The following RBFOX1 variants were observed in gnomAD, a reference collection of about 807,000 sequenced individuals.
RBFOX1 encodes RNA binding fox-1 homolog 1, also known as RNA binding protein fox-1 homolog 1.
In RBFOX1, 8 loss-of-function variants were observed where a neutral mutation model predicts 57.7. The ratio of observed to expected loss-of-function variants is 0.14; its 90% CI spans 0.08 to 0.25. RBFOX1 has a LOEUF of 0.25. RBFOX1 is among the 10% of genes least tolerant of loss of function. RBFOX1 has a pLI of 1.00. For missense variants in RBFOX1, 611 were observed against 548.5 expected, an observed-to-expected ratio of 1.11 and a Z score of -1.14; for synonymous variants, 326 against 222.4, an observed-to-expected ratio of 1.47 and a Z score of -4.15.
intron 3 of RBFOX1, among the ~76,000 whole-genome samples, chr16:6,942,971 G>C (rs533583685): frequency 2.0e-5 from 3 of 152,138 alleles, no homozygotes; most frequent in Non-Finnish European, 4.4e-5. Flanking sequence ...GACTTGTTTC[G>C]TGGTTGAAAA....
At chr16:5,530,727 A>G (rs1043712405) in intron 2 of RBFOX1, among the ~76,000 whole-genome samples, 1 of 152,094 alleles carries the variant, frequency 6.6e-6, no homozygotes, top group African/African-American at 2.4e-5. Flanking sequence ...TAAACATTGC[A>G]GAACATCCCT....
chr16:6,237,386 A>G (rs1201593238), intron 1 of RBFOX1, among the ~76,000 whole-genome samples: 3 of 152,198 alleles, frequency 2.0e-5, no homozygotes, highest in Non-Finnish European at 4.4e-5. Context: ...ATAAAGGTGA[A>G]GGGCTATTAT....
At chr16:6,052,289 G>A (rs1050455602) in intron 1 of RBFOX1, among the ~76,000 whole-genome samples, 1 of 151,984 alleles carries the variant, frequency 6.6e-6, no homozygotes, top group African/African-American at 2.4e-5. Flanking sequence ...TGATGTCCCT[G>A]TATTCCTCTT....
At chr16:6,262,982 A>T (rs931686763) in intron 1 of RBFOX1, among the ~76,000 whole-genome samples, 1 of 152,190 alleles carries the variant, frequency 6.6e-6, no homozygotes, top group African/African-American at 2.4e-5. Flanking sequence ...AGGGAAGGCC[A>T]CTTTGAGATG....
chr16:6,431,961 CT>C (rs1270873621), intron 2 of RBFOX1, among the ~76,000 whole-genome samples: 4 of 108,722 alleles, frequency 3.7e-5, no homozygotes, highest in Admixed American at 2.8e-4. Flanking sequence ...TTCTTTCTTT[CT>C]TTTTCTTTTT....
intron 3 of RBFOX1, chr16:6,705,308 C>T (rs528499283): frequency 6.7e-6 from 1 of 150,114 alleles, no homozygotes; most frequent in Non-Finnish European, 1.5e-5. Context: ...TGGGAGGTTA[C>T]AAGGGAAGAA....
At chr16:6,139,092 G>C (rs1030390320) in intron 1 of RBFOX1, among the ~76,000 whole-genome samples, 6 of 152,064 alleles carry the variant, frequency 3.9e-5, no homozygotes, top group Admixed American at 3.9e-4. Flanking sequence ...TATTGTTATT[G>C]ATAGCAGTTC....
At chr16:5,790,074 C>G (rs1416418080) in intron 3 of RBFOX1, among the ~76,000 whole-genome samples, 2 of 152,224 alleles carry the variant, frequency 1.3e-5, no homozygotes, top group Non-Finnish European at 2.9e-5. Context: ...TTCGGGACTC[C>G]AGGCTGCTAC....
At chr16:5,531,297 AG>A (rs1316850881) in intron 2 of RBFOX1, among the ~76,000 whole-genome samples, 1 of 152,122 alleles carries the variant, frequency 6.6e-6, no homozygotes, top group East Asian at 1.9e-4. Context: ...TGCAGCAGAC[AG>A]GGGTACTTCA....
chr16:6,418,519 ATTTT>A (rs567448072), intron 2 of RBFOX1, among the ~76,000 whole-genome samples: 4 of 100,940 alleles, frequency 4.0e-5, no homozygotes, highest in African/African-American at 1.2e-4. Context: ...TGCAAGCCTT[ATTTT>A]TTTTTTTTTT....
chr16:6,203,122 C>T (rs923343318), intron 1 of RBFOX1, among the ~76,000 whole-genome samples: 1 of 151,982 alleles, frequency 6.6e-6, no homozygotes, highest in African/African-American at 2.4e-5. Context: ...AAAAAAAAAT[C>T]CAGCCTCATA....
At chr16:6,172,593 G>T (rs2096969753) in intron 1 of RBFOX1, among the ~76,000 whole-genome samples, 1 of 150,798 alleles carries the variant, frequency 6.6e-6, no homozygotes, top group Non-Finnish European at 1.5e-5. Context: ...TGCAGCCTCA[G>T]TGGTGGACTT....
chr16:6,362,739 G>A (rs181292823), intron 2 of RBFOX1, among the ~76,000 whole-genome samples: 3 of 152,312 alleles, frequency 2.0e-5, no homozygotes, highest in African/African-American at 7.2e-5. Flanking sequence ...CCTGTGCAGT[G>A]GCCTGTGGGG....
intron 1 of RBFOX1, among the ~76,000 whole-genome samples, chr16:5,307,200 G>C (rs925494838): frequency 6.6e-6 from 1 of 152,064 alleles, no homozygotes; most frequent in African/African-American, 2.4e-5. Context: ...TCATTGCTTT[G>C]CTTGCATTTC....
chr16:7,331,269 C>G (rs1382101639), intron 4 of RBFOX1, among the ~76,000 whole-genome samples: 1 of 152,186 alleles, frequency 6.6e-6, no homozygotes, highest in East Asian at 1.9e-4. Flanking sequence ...GTTTGAAGCT[C>G]TCTCCCAGTT....
intron 3 of RBFOX1, among the ~76,000 whole-genome samples, chr16:6,903,122 A>C (rs1369465887): frequency 6.6e-6 from 1 of 152,200 alleles, no homozygotes. Flanking sequence ...CGCGATTCTG[A>C]AGCCATCATA....
Position 6,317,065 on chromosome 16 carries a change from C to A in RBFOX1, c.-64+8C>A. The A allele has an allele frequency of 6.5e-7, 1 of 1,532,356 alleles. No individual in the cohort carries two copies. Among genetic ancestry groups the A allele is most frequent in the Non-Finnish European group, 8.7e-7 (1 of 1,143,668 alleles). The allele number at this position is 1,532,356 out of a possible 1,614,324, so 94.9% of individuals were successfully genotyped here. A position where few individuals can be genotyped will look rare whatever the true frequency, so the allele number is the denominator to read the frequency against. On this transcript the variant is annotated splice_region_variant and intron_variant, in intron 2 of 15. Transcript: ENST00000550418. ...GATCGGACTCAGCATTCAGTAAGTGCAACCCATTTTGAACATTCATTCCAT... is the reference window on the plus strand; with the variant it reads ...GATCGGACTCAGCATTCAGTAAGTGAAACCCATTTTGAACATTCATTCCAT...
intron 1 of RBFOX1, among the ~76,000 whole-genome samples, chr16:6,107,694 TG>T (rs1378329234): frequency 7.5e-5 from 7 of 92,878 alleles, no homozygotes; most frequent in Non-Finnish European, 4.0e-5. Context: ...GGTGGGTGGG[TG>T]GGTGAGTGGA....
At chr16:7,344,946 C>G (rs973625681) in intron 4 of RBFOX1, among the ~76,000 whole-genome samples, 2 of 152,242 alleles carry the variant, frequency 1.3e-5, no homozygotes, top group African/African-American at 4.8e-5. Flanking sequence ...TTTTCCCCCA[C>G]TGTCTCACAG....
Sources: gnomAD v4.1 joint callset for allele counts (sites outside exome capture counted in the v4.1 genomes callset) on GRCh38, gnomAD v4.1.1 for gene constraint, MANE v1.5 for transcripts, NCBI Gene and HGNC (gene_info 2026-07-23, HGNC 2026-07-21) for gene names.